Variants in SYPL1 observed in about 807,000 individuals in gnomAD.
SYPL1 encodes the protein synaptophysin like 1.
A neutral mutation model predicts 23.7 loss-of-function variants in SYPL1; 6 were observed. That is an observed-to-expected ratio of 0.25 (90% confidence interval 0.14 to 0.50). SYPL1 has a LOEUF of 0.50. Ranked by LOEUF, SYPL1 falls within the 20% of genes least tolerant of loss-of-function variation. SYPL1 has a pLI of 0.98. For missense variants in SYPL1, 253 were observed against 288.9 expected, an observed-to-expected ratio of 0.88 and a Z score of 0.90; for synonymous variants, 102 against 104.5, an observed-to-expected ratio of 0.98 and a Z score of 0.15.
At chr7:106,108,345 C>G (rs576689125) in intron 1 of SYPL1, among the ~76,000 whole-genome samples, 5 of 152,120 alleles carry the variant, frequency 3.3e-5, no homozygotes, top group Admixed American at 2.0e-4. Context: ...AAACTGACAG[C>G]ATTTGTTGCC....
Position 106,094,053 on chromosome 7 carries a change from G to T in SYPL1, c.403-916C>A, listed in dbSNP as rs116086593. On this transcript the variant is annotated intron_variant, in intron 3 of 4. Transcript: ENST00000455385. Reference sequence around the variant, plus strand: ...CCAGGGTAGGAATAATATAAAATTTGTATCTTTTGGATGCTATATATGCTA... The same window carrying T: ...CCAGGGTAGGAATAATATAAAATTTTTATCTTTTGGATGCTATATATGCTA... Among the ~76,000 whole-genome samples the T allele has an allele frequency of 3.4e-3, 516 of 152,262 alleles. 3 individuals are homozygous for T. Among genetic ancestry groups the T allele is most frequent in the African/African-American group, 0.012 (480 of 41,558 alleles).
Position 106,099,299 on chromosome 7 carries a change from GA to G in SYPL1, c.70-18del. 2 of 1,588,088 alleles carry G rather than the reference GA, an allele frequency of 1.3e-6. No homozygotes were observed. Among genetic ancestry groups the G allele is most frequent in the Non-Finnish European group, 1.7e-6 (2 of 1,172,624 alleles). Reference sequence around the variant, plus strand: ...AGAAGCAATCTACACAAAGTAAGATGAAAAAAGACAAAAGAAAAAAAAGATA... The same window carrying G: ...AGAAGCAATCTACACAAAGTAAGATGAAAAAGACAAAAGAAAAAAAAGATA... On this transcript the variant is annotated intron_variant, in intron 1 of 4. Coordinates refer to ENST00000455385, the MANE Select transcript of SYPL1 (RefSeq NM_182715.4).
At position 106,101,174 on chromosome 7, in the gene SYPL1, G is replaced by A. The variant is rs575875507; in HGVS notation, c.70-1892C>T. Among the ~76,000 whole-genome samples the A allele has an allele frequency of 7.2e-5, 11 of 152,074 alleles. No individual in the cohort carries two copies. The East Asian group carries it at 2.2e-3, about 30-fold the overall frequency. Reference sequence around the variant, plus strand: ...ATTCCCTCTACTCTATTTCTGCTCTGTTCTAATTACCACTGCTTGACACAG... The same window carrying A: ...ATTCCCTCTACTCTATTTCTGCTCTATTCTAATTACCACTGCTTGACACAG... On this transcript the variant is annotated intron_variant, in intron 1 of 4. Transcript: ENST00000455385.
Position 106,091,891 on chromosome 7 carries a change from C to T in SYPL1, c.640G>A (p.Val214Met). The T allele has an allele frequency of 6.2e-7, 1 of 1,613,618 alleles. No individual in the cohort carries two copies. Among genetic ancestry groups the T allele is most frequent in the Non-Finnish European group, 8.5e-7 (1 of 1,179,802 alleles). The change falls in exon 5 of 5, where the codon GTG (valine) becomes ATG (methionine). Residue 214 changes from valine to methionine, a missense_variant. Coordinates refer to ENST00000455385, the MANE Select transcript of SYPL1 (RefSeq NM_182715.4). This position sits in a 1 kb window ranked among gnomAD's most constrained non-coding sequence, Gnocchi z 5.0. ...MILWGGNAWF[V>M]YKETSLHSPS... ...CTGTGTAGGCTGGTCTCCTTGTACA[C>T]AAACCAAGCATTTCCTCCCCAGAGT...
intron 1 of SYPL1, chr7:106,111,707 A>G (rs886690815): frequency 3.9e-5 from 6 of 152,936 alleles, no homozygotes; most frequent in African/African-American, 1.4e-4. Flanking sequence ...CTTCCCAGGG[A>G]GCTAGACCTC....
At chr7:106,103,723 A>AT (rs1217032204) in intron 1 of SYPL1, among the ~76,000 whole-genome samples, 2 of 152,138 alleles carry the variant, frequency 1.3e-5, no homozygotes, top group Non-Finnish European at 2.9e-5. Flanking sequence ...GTTTCCTCTT[A>AT]TTTTAGTGTG....
At chr7:106,094,053 G>A (rs116086593) in intron 3 of SYPL1, among the ~76,000 whole-genome samples, 1 of 152,144 alleles carries the variant, frequency 6.6e-6, no homozygotes, top group Non-Finnish European at 1.5e-5. Context: ...TATAAAATTT[G>A]TATCTTTTGG....
intron 3 of SYPL1, among the ~76,000 whole-genome samples, chr7:106,093,657 T>G (rs1281949023): frequency 1.0e-5 from 1 of 99,328 alleles, no homozygotes; most frequent in Admixed American, 1.3e-4. Context: ...TCAATTTCTG[T>G]TCTAAGGGCC....
chr7:106,108,536 AC>A (rs1218066002), intron 1 of SYPL1, among the ~76,000 whole-genome samples: 2 of 151,928 alleles, frequency 1.3e-5, no homozygotes, highest in Admixed American at 1.3e-4. Context: ...TTATGATGGG[AC>A]CCCCAAACCA....
intron 1 of SYPL1, among the ~76,000 whole-genome samples, chr7:106,101,430 T>C (rs1840304644): frequency 1.3e-5 from 1 of 79,294 alleles, no homozygotes; most frequent in East Asian, 3.7e-4. Flanking sequence ...GTTTGTTTTT[T>C]CCCATCCGCC....
intron 1 of SYPL1, among the ~76,000 whole-genome samples, chr7:106,102,433 G>A (rs992227049): frequency 6.6e-6 from 1 of 152,018 alleles, no homozygotes; most frequent in South Asian, 2.1e-4. Flanking sequence ...TCACTCTCTC[G>A]AACTTTCTCA....
chr7:106,105,713 T>C (rs1422600656), intron 1 of SYPL1, among the ~76,000 whole-genome samples: 2 of 152,102 alleles, frequency 1.3e-5, no homozygotes, highest in Admixed American at 6.6e-5. Context: ...CTGAAACCCA[T>C]GCTGGGCATG....
At chr7:106,093,296 T>TTC (rs1315457937) in intron 3 of SYPL1, 159 bp from the exon 4 acceptor site, 1 of 611,716 alleles carries the variant, frequency 1.6e-6, no homozygotes, top group Non-Finnish European at 2.7e-6. Context: ...ATAGTAAACA[T>TTC]TGCTGTTAGT....
At position 106,095,072 on chromosome 7, in the gene SYPL1, G is replaced by C. The variant is rs1839950675; in HGVS notation, c.403-1935C>G. Among the ~76,000 whole-genome samples the C allele has an allele frequency of 6.6e-6, 1 of 152,006 alleles. No homozygotes were observed. The highest frequency in any genetic ancestry group is 2.4e-5 in the African/African-American group (1 of 41,360). ...TATGAGTCATAGATTTTTAGAATTT[G>C]GGATACCCTAATTTTGTTTGGATTC... is the stretch of plus-strand genomic sequence containing the variant. On this transcript the variant is annotated intron_variant, in intron 3 of 4. Transcript: ENST00000455385. The surrounding 1 kb of genome is among the most constrained non-coding windows in gnomAD (Gnocchi z 4.3).
chr7:106,103,261 T>C (rs529034767), intron 1 of SYPL1, among the ~76,000 whole-genome samples: 9 of 152,302 alleles, frequency 5.9e-5, no homozygotes, highest in East Asian at 3.9e-4. Context: ...AGATGAATCA[T>C]AGAAATCCAA....
chr7:106,098,927 A>C (rs1840166408), intron 2 of SYPL1, among the ~76,000 whole-genome samples: 1 of 152,204 alleles, frequency 6.6e-6, no homozygotes, highest in African/African-American at 2.4e-5. Context: ...CATTGTTATA[A>C]AAGTTTCTAA....
chr7:106,102,296 A>T (rs764085026), intron 1 of SYPL1, among the ~76,000 whole-genome samples: 1 of 152,138 alleles, frequency 6.6e-6, no homozygotes, highest in Non-Finnish European at 1.5e-5. Flanking sequence ...GGGTTTCACC[A>T]TGTTGGTAAG....
rs116942919 is a variant in SYPL1, at chr7:106,105,410, G to A, written c.70-6128C>T. 7.4e-3 allele frequency among the ~76,000 whole-genome samples: 1,118 copies of A among 150,800 alleles called. 7 individuals are homozygous for A. The highest frequency in any genetic ancestry group is 0.012 in the Non-Finnish European group (814 of 67,760). On this transcript the variant is annotated intron_variant, in intron 1 of 4. Coordinates refer to ENST00000455385, the MANE Select transcript of SYPL1 (RefSeq NM_182715.4). ...CAGTGACTAGTAAGAATCCAGGGGC[G>A]GGGTGACAGCAAGCTTCTGTTTAGT...
intron 2 of SYPL1, among the ~76,000 whole-genome samples, chr7:106,098,660 T>C (rs1167594720): frequency 6.6e-6 from 1 of 152,206 alleles, no homozygotes; most frequent in Admixed American, 6.5e-5. Context: ...ACAGATGAAA[T>C]ACTCATTTTA....
Sources: allele counts gnomAD v4.1 joint callset (sites outside exome capture counted in the v4.1 genomes callset), GRCh38; gene constraint gnomAD v4.1.1; non-coding constraint Gnocchi (gnomAD v3.1); transcripts MANE v1.5; gene names NCBI Gene and HGNC (gene_info 2026-07-23, HGNC 2026-07-21).